Variants in MGAT5 observed in about 807,000 individuals in gnomAD.
MGAT5 encodes alpha-1,6-mannosylglycoprotein 6-beta-N-acetylglucosaminyltransferase, also known as alpha-1,6-mannosylglycoprotein 6-beta-N-acetylglucosaminyltransferase A.
In MGAT5, 30 loss-of-function variants were observed where a neutral mutation model predicts 94.3. That is an observed-to-expected ratio of 0.32 (90% CI 0.24 to 0.43). MGAT5 has a LOEUF of 0.43. Among genes scored for constraint, MGAT5 ranks in the 20% least tolerant of loss-of-function variants. MGAT5 has a pLI of 1.00. For synonymous variants in MGAT5, 310 were observed against 322.9 expected, an observed-to-expected ratio of 0.96 and a Z score of 0.43; for missense variants, 691 against 905.5, an observed-to-expected ratio of 0.76 and a Z score of 3.04.
At chr2:134,374,021 A>G (rs1281208486) in intron 10 of MGAT5, among the ~76,000 whole-genome samples, 2 of 152,360 alleles carry the variant, frequency 1.3e-5, no homozygotes, top group African/African-American at 2.4e-5. Flanking sequence ...ACATCAGCCA[A>G]TGGAGCAAAA....
At position 134,421,596 on chromosome 2, in the gene MGAT5, T is replaced by A. The variant is rs60561193; in HGVS notation, c.1678-1207T>A. On this transcript the variant is annotated intron_variant, in intron 12 of 15. Coordinates refer to ENST00000281923, the MANE Select transcript of MGAT5 (RefSeq NM_002410.5). ...AAAACTCTGTTTCAAAAAAAAAAAA[T>A]AAAAAACTAGATTCTCTAAGCCCAC... 8.1e-3 allele frequency among the ~76,000 whole-genome samples: 1,224 copies of A among 150,316 alleles called. 14 individuals carry two copies. The highest frequency in any genetic ancestry group is 0.029 in the African/African-American group (1,163 of 40,790).
At chr2:134,344,908 C>T in intron 7 of MGAT5, 22 bp from the exon 8 acceptor site, 22 of 1,605,186 alleles carry the variant, frequency 1.4e-5, no homozygotes, top group Non-Finnish European at 1.8e-5. Flanking sequence ...TTTTTCTCCC[C>T]TCTCTTTTGC....
chr2:134,229,554 C>T (rs1681244074), intron 1 of MGAT5, among the ~76,000 whole-genome samples: 1 of 152,056 alleles, frequency 6.6e-6, no homozygotes, highest in Non-Finnish European at 1.5e-5. Context: ...TGATAAGGAG[C>T]TTACAGGATA....
chr2:134,208,939 G>A (rs1680155683), intron 1 of MGAT5, among the ~76,000 whole-genome samples: 1 of 152,204 alleles, frequency 6.6e-6, no homozygotes, highest in Non-Finnish European at 1.5e-5. Flanking sequence ...GTTGTGGTCA[G>A]TGTCTGTTTT....
chr2:134,303,084 A>G (rs576759470), intron 2 of MGAT5, among the ~76,000 whole-genome samples: 1 of 152,224 alleles, frequency 6.6e-6, no homozygotes, highest in African/African-American at 2.4e-5. Flanking sequence ...TGTTCTCCAC[A>G]GGTCATGGAG....
chr2:134,431,703 G>C (rs1684886610), intron 14 of MGAT5, among the ~76,000 whole-genome samples: 1 of 152,190 alleles, frequency 6.6e-6, no homozygotes, highest in Non-Finnish European at 1.5e-5. Flanking sequence ...TTCTCCATGT[G>C]ATCTGCAAGG....
In MGAT5 at chr2:134,270,372, A is replaced by G. The variant is rs1287983726; in HGVS notation, c.242-14A>G. ...GCCATAGAATTTTAAAATTGTCTGC[A>G]CTTTCTTTTACAGATCTGAAGAAAA... On this transcript the variant is annotated splice_polypyrimidine_tract_variant and intron_variant, in intron 1 of 15. Transcript: ENST00000281923. The G allele has an allele frequency of 6.2e-7, 1 of 1,612,094 alleles. No homozygotes were observed. Among genetic ancestry groups the G allele is most frequent in the Admixed American group, 1.7e-5 (1 of 59,846 alleles).
intron 14 of MGAT5, among the ~76,000 whole-genome samples, chr2:134,434,253 T>A (rs1477494685): frequency 6.6e-6 from 1 of 152,218 alleles, no homozygotes; most frequent in Non-Finnish European, 1.5e-5. Flanking sequence ...TTAGCCTTCT[T>A]TACAAAGGCG....
intron 1 of MGAT5, among the ~76,000 whole-genome samples, chr2:134,192,927 C>T (rs1006786168): frequency 6.6e-6 from 1 of 151,672 alleles, no homozygotes; most frequent in African/African-American, 2.4e-5. Context: ...ATGGAACATA[C>T]TAAAATTTTA....
chr2:134,177,151 G>GTGTGTGTGTGTGTGTGTGTA (rs1688508720), intron 1 of MGAT5, among the ~76,000 whole-genome samples: 1 of 115,888 alleles, frequency 8.6e-6, no homozygotes, highest in Non-Finnish European at 2.1e-5. Context: ...ACCCGTGTGT[G>GTGTGTGTGTGTGTGTGTGTA]TGTGTGTGTG....
chr2:134,418,092 GA>G (rs10712850), intron 12 of MGAT5, among the ~76,000 whole-genome samples: 2,928 of 149,280 alleles, frequency 0.02, 66 homozygotes, highest in Admixed American at 0.046. Context: ...TTTTTCCCGG[GA>G]AAAAAAAAAT....
chr2:134,391,626 T>C (rs887239063), intron 10 of MGAT5, among the ~76,000 whole-genome samples: 1 of 152,168 alleles, frequency 6.6e-6, no homozygotes, highest in Non-Finnish European at 1.5e-5. Flanking sequence ...CCTTGTGACC[T>C]CTTTACTTCC....
intron 1 of MGAT5, among the ~76,000 whole-genome samples, chr2:134,206,983 T>C (rs1680047904): frequency 6.6e-6 from 1 of 152,222 alleles, no homozygotes; most frequent in Non-Finnish European, 1.5e-5. Context: ...TAATTATTAA[T>C]GACAATTTGT....
intron 2 of MGAT5, among the ~76,000 whole-genome samples, chr2:134,309,400 T>C (rs1686517830): frequency 6.6e-6 from 1 of 152,264 alleles, no homozygotes; most frequent in East Asian, 1.9e-4. Flanking sequence ...TAGACTGTTT[T>C]CCAAAGCAGC....
At chr2:134,136,714 C>G (rs551047356) in intron 1 of MGAT5, among the ~76,000 whole-genome samples, 2 of 152,292 alleles carry the variant, frequency 1.3e-5, no homozygotes, top group African/African-American at 4.8e-5. Context: ...TAGGCTGCCC[C>G]TAGTTTGCCA....
intron 1 of MGAT5, among the ~76,000 whole-genome samples, chr2:134,199,517 A>G (rs1177455251): frequency 1.3e-5 from 2 of 150,792 alleles, no homozygotes; most frequent in African/African-American, 4.9e-5. Flanking sequence ...TTTTTCTTCT[A>G]AAAACAGTGG....
intron 11 of MGAT5, among the ~76,000 whole-genome samples, chr2:134,406,242 T>G (rs755418547): frequency 5.9e-5 from 9 of 152,336 alleles, no homozygotes; most frequent in South Asian, 2.1e-4. Flanking sequence ...ACTCACTGAG[T>G]GCTTTGTGAG....
At chr2:134,446,339 A>G (rs985363531) in intron 15 of MGAT5, among the ~76,000 whole-genome samples, 4 of 151,918 alleles carry the variant, frequency 2.6e-5, no homozygotes, top group African/African-American at 7.3e-5. Context: ...ATTCCTCGCC[A>G]TGGGGTCTGA....
At chr2:134,134,371 A>G (rs1395492226) in intron 1 of MGAT5, among the ~76,000 whole-genome samples, 2 of 152,192 alleles carry the variant, frequency 1.3e-5, no homozygotes, top group Non-Finnish European at 2.9e-5. Context: ...AATAGGGTCC[A>G]GGAGCCCCCT....
Sources: allele counts gnomAD v4.1 joint callset (sites outside exome capture counted in the v4.1 genomes callset), GRCh38; gene constraint gnomAD v4.1.1; transcripts MANE v1.5; gene names NCBI Gene and HGNC (gene_info 2026-07-23, HGNC 2026-07-21).